The following ONECUT3 variants were observed in gnomAD, a reference collection of about 807,000 sequenced individuals.
ONECUT3 encodes the protein one cut homeobox 3.
In ONECUT3, 11 loss-of-function variants were observed where a neutral mutation model predicts 16.8. That is an observed-to-expected ratio of 0.66 (90% CI 0.41 to 1.09). The LOEUF (loss-of-function observed/expected upper bound fraction) is 1.09, where lower values mean the gene tolerates loss of function less well. ONECUT3 is among the 50% of genes least tolerant of loss of function. The pLI is 0.00. For synonymous variants in ONECUT3, 344 were observed against 310.7 expected, an observed-to-expected ratio of 1.11 and a Z score of -1.13; for missense variants, 637 against 629.9, an observed-to-expected ratio of 1.01 and a Z score of -0.12.
rs1449270609 is a variant in ONECUT3, at chr19:1,776,967, A to C, written c.*1522A>C. 1 of 152,114 alleles carries C rather than the reference A, an allele frequency of 6.6e-6. No individual in the cohort carries two copies. The highest frequency in any genetic ancestry group is 1.5e-5 in the Non-Finnish European group (1 of 68,056). The allele number at this position is 152,114 out of a possible 1,614,324, so 9.4% of individuals were successfully genotyped here. A position where few individuals can be genotyped will look rare whatever the true frequency, so the allele number is the denominator to read the frequency against. ...GGATGACAGGATTCCCTGGCCTGGG[A>C]CCCGGCTCGGGGCCCCGCCTGCCGA... On this transcript the variant is annotated 3_prime_UTR_variant, in exon 2 of 2. Coordinates refer to ENST00000382349, the MANE Select transcript of ONECUT3 (RefSeq NM_001080488.2). This position sits in a 1 kb window ranked among gnomAD's most constrained non-coding sequence, Gnocchi z 4.9.
At chr19:1,767,784 G>A (rs543309967) in intron 1 of ONECUT3, among the ~76,000 whole-genome samples, 2 of 152,346 alleles carry the variant, frequency 1.3e-5, no homozygotes, top group East Asian at 1.9e-4. Flanking sequence ...GGTGCCCTGG[G>A]GCGGGAGGCT....
chr19:1,763,111 C>A (rs1032210439), intron 1 of ONECUT3, among the ~76,000 whole-genome samples: 2 of 151,964 alleles, frequency 1.3e-5, no homozygotes, highest in African/African-American at 2.4e-5. Flanking sequence ...CGCCTGTAAT[C>A]TCAGCACTTT....
Position 1,775,504 on chromosome 19 carries a change from A to C in ONECUT3, c.*59A>C, listed in dbSNP as rs2068098696. ...GGCCTGGGCGCTGTGCCCCCACGTC[A>C]CCTCCCCACATCCTGCCGGCCCGGA... On this transcript the variant is annotated 3_prime_UTR_variant, in exon 2 of 2. Coordinates refer to ENST00000382349, the MANE Select transcript of ONECUT3 (RefSeq NM_001080488.2). 4.3e-6 allele frequency: 6 copies of C among 1,392,134 alleles called. No homozygotes were observed. Among genetic ancestry groups the C allele is most frequent in the African/African-American group, 1.6e-5 (1 of 63,322 alleles). 86.2% of individuals were successfully genotyped at this position (1,392,134 alleles called of 1,614,324 possible).
chr19:1,766,440 G>A lies in ONECUT3; in HGVS notation c.1193-8713G>A, dbSNP rs2067990198. The stretch of plus-strand genomic sequence containing the variant: ...GCCTCTGGATGAAGGGGAGGATGAA[G>A]GGGGAGAGAAGGAGGAGGAGGGGGA... On this transcript the variant is annotated intron_variant, in intron 1 of 1. Coordinates refer to ENST00000382349, the MANE Select transcript of ONECUT3 (RefSeq NM_001080488.2). The surrounding 1 kb of genome is among the most constrained non-coding windows in gnomAD (Gnocchi z 4.0). Among the ~76,000 whole-genome samples the A allele has an allele frequency of 2.0e-5, 3 of 151,960 alleles. No individual in the cohort carries two copies. The highest frequency in any genetic ancestry group is 2.9e-5 in the Non-Finnish European group (2 of 67,972).
At chr19:1,757,062 C>T (rs2067919954) in intron 1 of ONECUT3, among the ~76,000 whole-genome samples, 1 of 149,132 alleles carries the variant, frequency 6.7e-6, no homozygotes, top group Non-Finnish European at 1.5e-5. Flanking sequence ...ACTGGAATTG[C>T]AGATTTGGGG....
At chr19:1,768,888 TGGTG>T (rs2068020004) in intron 1 of ONECUT3, among the ~76,000 whole-genome samples, 2 of 14,168 alleles carry the variant, frequency 1.4e-4, no homozygotes, top group South Asian at 2.1e-3. Context: ...GAGGTGGAGG[TGGTG>T]GAGGTGGAGG....
intron 1 of ONECUT3, among the ~76,000 whole-genome samples, chr19:1,774,691 G>C (rs1326284187): frequency 1.3e-5 from 2 of 151,078 alleles, no homozygotes; most frequent in Non-Finnish European, 3.0e-5. Flanking sequence ...GGGGTTTGGG[G>C]GGTATGAGGC....
chr19:1,763,185 G>A (rs1056774819), intron 1 of ONECUT3, among the ~76,000 whole-genome samples: 7 of 151,648 alleles, frequency 4.6e-5, no homozygotes, highest in African/African-American at 1.5e-4. Context: ...CCAACACGGC[G>A]AAACCCCATG....
At chr19:1,771,203 C>A (rs13343540) in intron 1 of ONECUT3, among the ~76,000 whole-genome samples, 109 of 152,256 alleles carry the variant, frequency 7.2e-4, no homozygotes, top group African/African-American at 2.6e-3. Flanking sequence ...CCCTCCATAC[C>A]CTGGGTCCTT....
rs1023925889 is a variant in ONECUT3, at chr19:1,758,682, T to A, written c.1192+3828T>A. On this transcript the variant is annotated intron_variant, in intron 1 of 1. Transcript: ENST00000382349. The surrounding 1 kb of genome is among the most constrained non-coding windows in gnomAD (Gnocchi z 5.9). ...TCACCCTACCCCCACCCCATGGTCC[T>A]CCGAGTCCCGCACTTCGGAGCTGCC... is the stretch of plus-strand genomic sequence containing the variant. Among the ~76,000 whole-genome samples the A allele has an allele frequency of 6.6e-6, 1 of 151,056 alleles. No individual in the cohort carries two copies. The highest frequency in any genetic ancestry group is 1.5e-5 in the Non-Finnish European group (1 of 67,688).
rs953197808 is a variant in ONECUT3 at position 1,754,486 on chromosome 19, C to A, written c.824C>A (p.Ala275Glu). The change falls in exon 1 of 2, where the codon GCG becomes GAG. Residue 275 changes from alanine (A) to glutamate (E), a missense_variant. Physicochemically the swap from Ala to Glu is moderately radical, Grantham distance 107. Coordinates refer to ENST00000382349, the MANE Select transcript of ONECUT3 (RefSeq NM_001080488.2). This position sits in a 1 kb window ranked among gnomAD's most constrained non-coding sequence, Gnocchi z 7.4. ...GGGGGTGSGG[A>E]GSGSAAGLLA... Reference sequence around the variant, plus strand: ...GGCGGCGGCACAGGCAGCGGCGGAGCGGGCAGCGGGAGCGCCGCGGGGCTG... The same window carrying A: ...GGCGGCGGCACAGGCAGCGGCGGAGAGGGCAGCGGGAGCGCCGCGGGGCTG... 1.3e-5 allele frequency: 13 copies of A among 981,566 alleles called. No individual in the cohort carries two copies. The highest frequency in any genetic ancestry group is 1.6e-5 in the Non-Finnish European group (13 of 829,186). The allele number at this position is 981,566 out of a possible 1,614,324, so 60.8% of individuals were successfully genotyped here. A position where few individuals can be genotyped will look rare whatever the true frequency, so the allele number is the denominator to read the frequency against.
rs1422777204 is a variant in ONECUT3 at position 1,764,220 on chromosome 19, G to A, written c.1192+9366G>A. On this transcript the variant is annotated intron_variant, in intron 1 of 1. Coordinates refer to ENST00000382349, the MANE Select transcript of ONECUT3 (RefSeq NM_001080488.2). The surrounding 1 kb of genome is among the most constrained non-coding windows in gnomAD (Gnocchi z 5.0). ...GTTTGAGGGTGCCTGAATGGGGTGG[G>A]TCTCTGTAGCTGAATGTCCGAGGGT... is the stretch of plus-strand genomic sequence containing the variant. Among the ~76,000 whole-genome samples the A allele has an allele frequency of 6.6e-6, 1 of 152,182 alleles. No individual in the cohort carries two copies. Among genetic ancestry groups the A allele is most frequent in the Non-Finnish European group, 1.5e-5 (1 of 68,042 alleles).
At position 1,775,322 on chromosome 19, in the gene ONECUT3, G is replaced by T. The variant is rs1026261345; in HGVS notation, c.1362G>T (p.Glu454Asp). Residue 454 changes from glutamate (E) to aspartate (D), a missense_variant, in exon 2 of 2, where the codon GAG becomes GAT. Glu to Asp is a conservative substitution (Grantham distance 45). Transcript: ENST00000382349. ...CCATCTCGCAGCAGCTCGGCTTGGA[G>T]CTCAACACCGTCAGCAACTTCTTCA... ...QVTISQQLGL[E>D]LNTVSNFFMN... 1.3e-6 allele frequency: 2 copies of T among 1,585,330 alleles called. No homozygotes were observed. Among genetic ancestry groups the T allele is most frequent in the Non-Finnish European group, 1.7e-6 (2 of 1,165,222 alleles).
In ONECUT3 at chr19:1,754,616, C is replaced by G. The variant is rs370471416; in HGVS notation, c.954C>G (p.Ala318=). The part of the protein sequence containing the change: ...SGGGPSAGAA[A]EEINTKEVAQ... ...GCGGCCCCAGCGCGGGCGCAGCGGCCGAGGAGATCAACACCAAGGAGGTGG... is the reference window on the plus strand; with the variant it reads ...GCGGCCCCAGCGCGGGCGCAGCGGCGGAGGAGATCAACACCAAGGAGGTGG... The change falls in exon 1 of 2, where the codon GCC becomes GCG. Residue 318 remains alanine (A), a synonymous_variant. Coordinates refer to ENST00000382349, the MANE Select transcript of ONECUT3 (RefSeq NM_001080488.2). This position sits in a 1 kb window ranked among gnomAD's most constrained non-coding sequence, Gnocchi z 7.4. 9.9e-5 allele frequency: 143 copies of G among 1,438,994 alleles called. No individual in the cohort carries two copies. Among genetic ancestry groups the G allele is most frequent in the Non-Finnish European group, 1.2e-4 (132 of 1,091,262 alleles). 89.1% of individuals were successfully genotyped at this position (1,438,994 alleles called of 1,614,324 possible).
At chr19:1,761,861 T>G (rs571158426) in intron 1 of ONECUT3, among the ~76,000 whole-genome samples, 4 of 152,198 alleles carry the variant, frequency 2.6e-5, no homozygotes, top group African/African-American at 9.6e-5. Context: ...GTCCCGAGTG[T>G]GGGCAGATGT....
chr19:1,754,520 G>A lies in ONECUT3; in HGVS notation c.858G>A (p.Pro286=), dbSNP rs2067906378. Residue 286 remains proline (P), a synonymous_variant, in exon 1 of 2, where the codon CCG becomes CCA. Transcript: ENST00000382349. This position sits in a 1 kb window ranked among gnomAD's most constrained non-coding sequence, Gnocchi z 7.4. ...GGAGCGCCGCGGGGCTGCTGGCGCCGCTGGGCGGGCTGGCGGCGGCCGGGG... is the reference window on the plus strand; with the variant it reads ...GGAGCGCCGCGGGGCTGCTGGCGCCACTGGGCGGGCTGGCGGCGGCCGGGG... ...GSGSAAGLLA[P]LGGLAAAGAH... 1.0e-6 allele frequency: 1 copy of A among 980,000 alleles called. No homozygotes were observed. The highest frequency in any genetic ancestry group is 6.4e-5 in the Admixed American group (1 of 15,726). The allele number at this position is 980,000 out of a possible 1,614,324, so 60.7% of individuals were successfully genotyped here.
rs1340560308 is a variant in ONECUT3, at chr19:1,775,605, C to T, written c.*160C>T. On this transcript the variant is annotated 3_prime_UTR_variant, in exon 2 of 2. Transcript: ENST00000382349. ...CCCGGGGAGGGGGAAGCAGCACACC[C>T]CCCAGCCCAAGTGCACAAAAAGGGC... is the stretch of plus-strand genomic sequence containing the variant. The T allele has an allele frequency of 2.3e-5, 15 of 644,630 alleles. No individual in the cohort carries two copies. Among genetic ancestry groups the T allele is most frequent in the Non-Finnish European group, 2.9e-5 (12 of 409,482 alleles). The allele number at this position is 644,630 out of a possible 1,614,324, so 39.9% of individuals were successfully genotyped here.
chr19:1,757,750 A>G (rs1437567985), intron 1 of ONECUT3, among the ~76,000 whole-genome samples: 5 of 152,188 alleles, frequency 3.3e-5, no homozygotes, highest in African/African-American at 9.6e-5. Flanking sequence ...TCGCTGCGCA[A>G]ATGAAAAGCG....
At chr19:1,768,996 TGATGGTGGAGGTGGTGGA>T (rs2068024678) in intron 1 of ONECUT3, among the ~76,000 whole-genome samples, 1 of 92,524 alleles carries the variant, frequency 1.1e-5, no homozygotes, top group Non-Finnish European at 2.4e-5. Context: ...GAGGTGGAGG[TGATGGTGGAGGTGGTGGA>T]GGTGGAAGTG....
Sources: allele counts gnomAD v4.1 joint callset (sites outside exome capture counted in the v4.1 genomes callset), GRCh38; gene constraint gnomAD v4.1.1; non-coding constraint Gnocchi (gnomAD v3.1); transcripts MANE v1.5; gene names NCBI Gene and HGNC (gene_info 2026-07-23, HGNC 2026-07-21).